Variants in TTN observed in about 807,000 individuals in gnomAD.
TTN encodes connectin.
TTN carries 1,525 observed loss-of-function variants against 3,223.0 expected under a neutral mutation model. The ratio of observed to expected loss-of-function variants is 0.47; its 90% CI spans 0.45 to 0.49. The LOEUF is 0.49. Among genes scored for constraint, TTN ranks in the 20% least tolerant of loss-of-function variants. The pLI is 0.00. For missense variants in TTN, 40,786 were observed against 43,424.0 expected (o/e 0.94, Z 5.40); for synonymous variants, 14,094 against 15,161.0 (o/e 0.93, Z 5.17).
chr2:178,564,790 C>T lies in TTN; in HGVS notation c.81342G>A (p.Lys27114=). 1 of 1,612,184 alleles carries T rather than the reference C, an allele frequency of 6.2e-7. No individual in the cohort carries two copies. The highest frequency in any genetic ancestry group is 1.3e-5 in the African/African-American group (1 of 74,982). The change falls in exon 326 of 363, where the codon AAG becomes AAA. Residue 27114 remains lysine (K), a synonymous_variant. Coordinates refer to ENST00000589042, the MANE Select transcript of TTN (RefSeq NM_001267550.2). ...TTAACTTGACCCATAAAATACTGTT[C>T]TTTTCTTTCTGTTCAAGATGGTAGC... is the stretch of plus-strand genomic sequence containing the variant. ...IIGYHLEQKE[K]NSILWVKLNK...
Position 178,613,899 on chromosome 2 carries a change from T to C in TTN, c.49384A>G (p.Ile16462Val). ...GTGAGAGTCACTGCGTCTTTAGTGA[T>C]ATCAGAAGGTTCTAGGCGAGTTGGA... The part of the protein sequence containing the change: ...GPPTRLEPSD[I>V]TKDAVTLTWC... The change falls in exon 263 of 363, where the codon ATC (isoleucine) becomes GTC (valine). Residue 16462 changes from isoleucine to valine, a missense_variant. Coordinates refer to ENST00000589042, the MANE Select transcript of TTN (RefSeq NM_001267550.2). 6.2e-7 allele frequency: 1 copy of C among 1,610,308 alleles called. No homozygotes were observed. Among genetic ancestry groups the C allele is most frequent in the Non-Finnish European group, 8.5e-7 (1 of 1,178,058 alleles).
chr2:178,677,270 T>C lies in TTN; in HGVS notation c.34309A>G (p.Lys11437Glu), dbSNP rs1577284947. The change falls in exon 147 of 363, where the codon AAA becomes GAA. Residue 11437 changes from lysine (K) to glutamate (E), a missense_variant. Transcript: ENST00000589042. The stretch of plus-strand genomic sequence containing the variant: ...GGGACTTTCTTCTCTGGTACAGGTT[T>C]CTTTGGCACTTCAGGCACTTAAAAA... Reference protein sequence around the residue: ...VPAPVPEVPKKPVPEKKVPVP... With the variant: ...VPAPVPEVPKEPVPEKKVPVP... 8.2e-7 allele frequency: 1 copy of C among 1,213,110 alleles called. No individual in the cohort carries two copies. Among genetic ancestry groups the C allele is most frequent in the East Asian group, 3.4e-5 (1 of 29,704 alleles). The allele number at this position is 1,213,110 out of a possible 1,614,324, so 75.1% of individuals were successfully genotyped here.
chr2:178,730,385 A>G lies in TTN; in HGVS notation c.18029-14T>C, dbSNP rs746546928. ...AGTAAGGGGGTTCTGAGGTGAAAGA[A>G]AAAACAAGCAAAAGAAAATAGGAAG... On this transcript the variant is annotated splice_polypyrimidine_tract_variant and intron_variant, in intron 61 of 362. Transcript: ENST00000589042. 105 of 1,561,418 alleles carry G rather than the reference A, an allele frequency of 6.7e-5. 1 individual carries two copies. The East Asian group carries it at 2.3e-3, about 35-fold the overall frequency.
rs79646543 is a variant in TTN at position 178,538,470 on chromosome 2, G to C, written c.99289+70C>G. 1.1e-3 allele frequency: 1,657 copies of C among 1,451,060 alleles called. 17 individuals are homozygous for C. In the African/African-American group the frequency reaches 0.021, roughly 18 times the overall value. The allele number at this position is 1,451,060 out of a possible 1,614,324, so 89.9% of individuals were successfully genotyped here. A position where few individuals can be genotyped will look rare whatever the true frequency, so the allele number is the denominator to read the frequency against. ...ATAAAGCTTTCCAGGGTTCTACTTA[G>C]TATAGAGGGGGAATTAGCCTTAACT... On this transcript the variant is annotated intron_variant, in intron 354 of 362. Coordinates refer to ENST00000589042, the MANE Select transcript of TTN (RefSeq NM_001267550.2).
intron 253 of TTN, 92 bp downstream of exon 253, chr2:178,617,687 T>C: frequency 6.6e-7 from 1 of 1,513,366 alleles, no homozygotes; most frequent in African/African-American, 1.4e-5. Context: ...TCTACCTTTT[T>C]ATTAACTTTC....
intron 151 of TTN, 46 bp from the exon 152 acceptor site, chr2:178,673,756 G>T: frequency 1.5e-6 from 2 of 1,350,336 alleles, no homozygotes; most frequent in Non-Finnish European, 2.1e-6. Flanking sequence ...CATGTGATGA[G>T]CAGAACACCA....
rs772540419 is a variant in TTN at position 178,543,869 on chromosome 2, C to T, written c.96275G>A (p.Gly32092Asp). 3.1e-6 allele frequency: 5 copies of T among 1,613,618 alleles called. No individual in the cohort carries two copies. The South Asian group carries it at 5.5e-5, about 18-fold the overall frequency. Residue 32092 changes from glycine to aspartate, a missense_variant, in exon 346 of 363, where the codon GGC becomes GAC. Transcript: ENST00000589042. The part of the protein sequence containing the change: ...KYTIEAENQS[G>D]KKSATVLVKV... ...AACAAGGACTGTTGCTGATTTCTTG[C>T]CAGATTGGTTTTCAGCTTCAATTGT...
At chr2:178,667,157 G>C (rs2066102484) in intron 162 of TTN, 79 bp downstream of exon 162, 1 of 1,221,974 alleles carries the variant, frequency 8.2e-7, no homozygotes, top group East Asian at 2.5e-5. Context: ...TTGTGAGAAT[G>C]TATATTAAAC....
intron 20 of TTN, among the ~76,000 whole-genome samples, chr2:178,781,784 T>A (rs990928922): frequency 6.6e-6 from 1 of 152,178 alleles, no homozygotes. Context: ...TGAAGAAAAA[T>A]TACTAGCATA....
rs766537771 is a variant in TTN at position 178,608,338 on chromosome 2, A to G, written c.52545T>C (p.His17515=). 2.5e-6 allele frequency: 4 copies of G among 1,612,448 alleles called. No homozygotes were observed. In the South Asian group the frequency reaches 3.3e-5, roughly 13 times the overall value. The change falls in exon 275 of 363, where the codon CAT becomes CAC. Residue 17515 remains histidine (H), a synonymous_variant. Coordinates refer to ENST00000589042, the MANE Select transcript of TTN (RefSeq NM_001267550.2). The part of the protein sequence containing the change: ...WLEKREVNST[H]WSRVNKSLLN... Reference sequence around the variant, plus strand: ...GAAGGCTTTTGTTGACACGAGACCAATGTGTACTGTTAACTTCACGTTTTT... The same window carrying G: ...GAAGGCTTTTGTTGACACGAGACCAGTGTGTACTGTTAACTTCACGTTTTT...
At chr2:178,711,018 A>G in intron 97 of TTN, 44 bp downstream of exon 97, 2 of 1,548,396 alleles carry the variant, frequency 1.3e-6, no homozygotes, top group Non-Finnish European at 8.7e-7. Context: ...ATATTTGATT[A>G]TAATACTTTA....
chr2:178,784,270 C>A lies in TTN; in HGVS notation c.2575G>T (p.Val859Leu). ...TSSAQKITKS[V>L]KAPTVKPSET... Reference sequence around the variant, plus strand: ...CTGGGCTTCACAGTAGGAGCCTTCACCGATTTGGTGATCTTCTGAGCAGAA... The same window carrying A: ...CTGGGCTTCACAGTAGGAGCCTTCAACGATTTGGTGATCTTCTGAGCAGAA... The change falls in exon 16 of 363, where the codon GTG (valine) becomes TTG (leucine). Residue 859 changes from valine (V) to leucine (L), a missense_variant. By Grantham distance (32) the Val-to-Leu change is conservative. Coordinates refer to ENST00000589042, the MANE Select transcript of TTN (RefSeq NM_001267550.2). 6.2e-7 allele frequency: 1 copy of A among 1,614,140 alleles called. No homozygotes were observed. Among genetic ancestry groups the A allele is most frequent in the South Asian group, 1.1e-5 (1 of 91,076 alleles).
Position 178,527,772 on chromosome 2 carries a change from G to A in TTN, c.107378-24C>T, listed in dbSNP as rs535566364. 1.1e-4 allele frequency: 169 copies of A among 1,541,624 alleles called. 2 individuals carry two copies. In the South Asian group the frequency reaches 1.9e-3, roughly 17 times the overall value. On this transcript the variant is annotated intron_variant, in intron 361 of 362. Transcript: ENST00000589042. ...AGCTGTGGAGCATAGCAGATACACA[G>A]TGAACATCAATGACATCTGGTTAAT...
At position 178,593,268 on chromosome 2, in the gene TTN, C is replaced by T. The variant is rs1559611400; in HGVS notation, c.58940G>A (p.Gly19647Glu). 1.9e-6 allele frequency: 3 copies of T among 1,613,368 alleles called. No homozygotes were observed. Among genetic ancestry groups the T allele is most frequent in the Middle Eastern group, 1.7e-4 (1 of 6,056 alleles). ...TKFRVPDLLEGCQYEFRVSAE... is the reference protein window; with the variant it reads ...TKFRVPDLLEECQYEFRVSAE... ...AGAAACCCGGAATTCATACTGACAT[C>T]CTTCTAGAAGATCAGGAACCCTAAA... Residue 19647 changes from glycine (G) to glutamate (E), a missense_variant, in exon 299 of 363, where the codon GGA becomes GAA. Transcript: ENST00000589042.
intron 281 of TTN, among the ~76,000 whole-genome samples, 152 bp from the exon 282 acceptor site, chr2:178,604,457 C>CT (rs72646817): frequency 6.6e-6 from 1 of 151,908 alleles, no homozygotes; most frequent in Admixed American, 6.6e-5. Flanking sequence ...AAGGAGAAAG[C>CT]TTTTTTTAAA....
rs757524187 is a variant in TTN at position 178,768,845 on chromosome 2, G to T, written c.8991C>A (p.Ile2997=). 1.4e-5 allele frequency: 23 copies of T among 1,613,956 alleles called. No individual in the cohort carries two copies. In the East Asian group the frequency reaches 4.9e-4, roughly 34 times the overall value. The part of the protein sequence containing the change: ...TFEVTVNYEG[I]SYKWLKNGVE... The stretch of plus-strand genomic sequence containing the variant: ...CACCATTCTTTAACCATTTGTAAGA[G>T]ATGCCTTCATAGTTCACTGTCACCT... The change falls in exon 38 of 363, where the codon ATC becomes ATA. Residue 2997 remains isoleucine (I), a synonymous_variant. Coordinates refer to ENST00000589042, the MANE Select transcript of TTN (RefSeq NM_001267550.2).
Position 178,581,591 on chromosome 2 carries a change from G to A in TTN, c.66677C>T (p.Thr22226Ile). 6.2e-7 allele frequency: 1 copy of A among 1,612,708 alleles called. No homozygotes were observed. Residue 22226 changes from threonine (T) to isoleucine (I), a missense_variant, in exon 316 of 363, where the codon ACA becomes ATA. Thr to Ile is a moderately conservative substitution (Grantham distance 89). Coordinates refer to ENST00000589042, the MANE Select transcript of TTN (RefSeq NM_001267550.2). Reference sequence around the variant, plus strand: ...GGCATACACACGGAATTGATATTGTGTGTCTTCCATCAGGCCAGTAACCTC... The same window carrying A: ...GGCATACACACGGAATTGATATTGTATGTCTTCCATCAGGCCAGTAACCTC... Reference protein sequence around the residue: ...RFEVTGLMEDTQYQFRVYAVN... With the variant: ...RFEVTGLMEDIQYQFRVYAVN...
In TTN at chr2:178,597,983, C is replaced by T; in HGVS notation, c.57187G>A (p.Val19063Ile). 1 of 1,613,430 alleles carries T rather than the reference C, an allele frequency of 6.2e-7. No homozygotes were observed. Among genetic ancestry groups the T allele is most frequent in the East Asian group, 2.2e-5 (1 of 44,768 alleles). The change falls in exon 293 of 363, where the codon GTT (valine) becomes ATT (isoleucine). Residue 19063 changes from valine to isoleucine, a missense_variant. By Grantham distance (29) the Val-to-Ile change is conservative (BLOSUM62 3). Transcript: ENST00000589042. ...LKEGAFYKFR[V>I]RAVNIAGIGE... ...ATGCCAGCAATGTTGACTGCTCTAA[C>T]TCTAAATTTGTAGAATGCTCCTTCC...
rs996458558 is a variant in TTN at position 178,574,584 on chromosome 2, G to C, written c.71548C>G (p.Pro23850Ala). The change falls in exon 326 of 363, where the codon CCA becomes GCA. Residue 23850 changes from proline (P) to alanine (A), a missense_variant. Pro to Ala is a conservative substitution (Grantham distance 27). Coordinates refer to ENST00000589042, the MANE Select transcript of TTN (RefSeq NM_001267550.2). ...KDSMTISWHE[P>A]LSDGGSPILG... The stretch of plus-strand genomic sequence containing the variant: ...ATGGGGCTTCCACCATCAGAAAGTG[G>C]CTCATGCCAGCTAATTGTCATTGAA... The C allele has an allele frequency of 4.3e-6, 7 of 1,613,444 alleles. No homozygotes were observed. Among genetic ancestry groups the C allele is most frequent in the African/African-American group, 1.3e-5 (1 of 75,004 alleles).
Sources: gnomAD v4.1 joint callset for allele counts (sites outside exome capture counted in the v4.1 genomes callset) on GRCh38, gnomAD v4.1.1 for gene constraint, MANE v1.5 for transcripts, NCBI Gene and HGNC (gene_info 2026-07-23, HGNC 2026-07-21) for gene names.